The following PSD2 variants were observed in gnomAD, a reference collection of about 807,000 sequenced individuals.
The protein encoded by PSD2 is pleckstrin and Sec7 domain containing 2.
Under a neutral mutation model 69.8 loss-of-function variants are expected in PSD2, and 38 were observed. That is an observed-to-expected ratio of 0.54 (90% CI 0.42 to 0.71). The LOEUF (loss-of-function observed/expected upper bound fraction) is 0.71. PSD2 is among the 30% of genes least tolerant of loss of function. The pLI, the probability that PSD2 is intolerant of heterozygous loss-of-function variation, is 0.00. For synonymous variants in PSD2, 412 were observed against 423.0 expected (o/e 0.97, Z 0.32); for missense variants, 943 against 1,014.5 (o/e 0.93, Z 0.96).
At chr5:139,747,868 G>T in the PSD2 span, among the ~76,000 whole-genome samples, 880 of 152,346 alleles carry the variant, frequency 5.8e-3, 7 homozygotes, top group African/African-American at 0.021. The surrounding 1 kb of genome is among the most constrained non-coding windows in gnomAD (Gnocchi z 6.7). Flanking sequence ...GGCAGAGCGC[G>T]GTGCGCGGGG....
At chr5:139,754,089 G>T in the PSD2 span, among the ~76,000 whole-genome samples, 1 of 152,282 alleles carries the variant, frequency 6.6e-6, no homozygotes, top group South Asian at 2.1e-4. Flanking sequence ...ACCCGTCTTG[G>T]CCTCCCAAAG....
chr5:139,817,384 G>C, intron 4 of PSD2, 97 bp from the exon 5 acceptor site: 1 of 1,018,392 alleles, frequency 9.8e-7, no homozygotes, highest in Non-Finnish European at 1.5e-6. Flanking sequence ...CTAGGGGGTG[G>C]GTGGGTCCGG....
intron 7 of PSD2, among the ~76,000 whole-genome samples, chr5:139,831,462 T>C (rs112391503): frequency 1.1e-4 from 16 of 152,372 alleles, no homozygotes; most frequent in African/African-American, 2.9e-4. Flanking sequence ...TCTGTTTCTT[T>C]TTTTTTCTTC....
At chr5:139,823,191 G>T (rs1294567584) in intron 7 of PSD2, among the ~76,000 whole-genome samples, 1 of 152,220 alleles carries the variant, frequency 6.6e-6, no homozygotes, top group African/African-American at 2.4e-5. Context: ...GGGACGCCCA[G>T]GCTGTGAGGC....
At chr5:139,794,210 C>T (rs74334466), upstream of PSD2, among the ~76,000 whole-genome samples, 11 of 152,346 alleles carry the variant, frequency 7.2e-5, no homozygotes, top group East Asian at 1.7e-3. Flanking sequence ...CAGCTGTGCT[C>T]ACAGATTCAG....
At chr5:139,754,100 T>G in the PSD2 span, among the ~76,000 whole-genome samples, 1 of 151,652 alleles carries the variant, frequency 6.6e-6, no homozygotes. Context: ...CCTCCCAAAG[T>G]GCTGGGATTA....
chr5:139,753,080 C>T, the PSD2 span, among the ~76,000 whole-genome samples: 1 of 152,212 alleles, frequency 6.6e-6, no homozygotes, highest in African/African-American at 2.4e-5. Flanking sequence ...TGACTCAACC[C>T]ACCCATCCCA....
intron 3 of PSD2, 89 bp downstream of exon 3, chr5:139,813,847 TC>T: frequency 8.7e-7 from 1 of 1,154,162 alleles, no homozygotes; most frequent in Non-Finnish European, 1.2e-6. Context: ...TGACTCAGTG[TC>T]CAGAGTCAGC....
chr5:139,747,516 G>T, the PSD2 span, among the ~76,000 whole-genome samples: 19 of 152,358 alleles, frequency 1.2e-4, no homozygotes, highest in African/African-American at 4.3e-4. The surrounding 1 kb of genome is among the most constrained non-coding windows in gnomAD (Gnocchi z 6.7). Flanking sequence ...GGGCCGGAAG[G>T]AATGTGGTGG....
the PSD2 span, among the ~76,000 whole-genome samples, chr5:139,749,564 G>A: frequency 2.6e-5 from 4 of 152,194 alleles, no homozygotes; most frequent in Non-Finnish European, 5.9e-5. Context: ...GGAAACTGAG[G>A]CGTACCAAGA....
At position 139,841,296 on chromosome 5, in the gene PSD2, T is replaced by C. The variant is rs183598575; in HGVS notation, c.2113-975T>C. 6.8e-4 allele frequency among the ~76,000 whole-genome samples: 103 copies of C among 152,318 alleles called. 1 individual carries two copies. The highest frequency in any genetic ancestry group is 6.1e-3 in the Admixed American group (93 of 15,302). ...ACCTTGGAGATGACCTTGAGCAGTATGATATAAATAACTCCCATGAACTTA... is the reference window on the plus strand; with the variant it reads ...ACCTTGGAGATGACCTTGAGCAGTACGATATAAATAACTCCCATGAACTTA... On this transcript the variant is annotated intron_variant, in intron 14 of 14. Coordinates refer to ENST00000274710, the MANE Select transcript of PSD2 (RefSeq NM_032289.4).
chr5:139,824,323 A>G (rs1760353703), intron 7 of PSD2, among the ~76,000 whole-genome samples: 1 of 151,856 alleles, frequency 6.6e-6, no homozygotes, highest in African/African-American at 2.4e-5. Flanking sequence ...AGCACTTCAT[A>G]GATTAGAAGT....
At chr5:139,811,442 C>T (rs1161710070) in intron 2 of PSD2, among the ~76,000 whole-genome samples, 1 of 152,156 alleles carries the variant, frequency 6.6e-6, no homozygotes, top group African/African-American at 2.4e-5. Flanking sequence ...GGGCCAGAGC[C>T]TCAGGGGAGG....
Position 139,844,340 on chromosome 5 carries a change from A to G in PSD2, c.*1866A>G, listed in dbSNP as rs548042233. On this transcript the variant is annotated 3_prime_UTR_variant, in exon 15 of 15. Transcript: ENST00000274710. ...ATGTTTAGTTCACTTCCTTAATTGT[A>G]TAATTATTTATTTGTAAATTATATA... 1.4e-4 allele frequency: 22 copies of G among 152,232 alleles called. No individual in the cohort carries two copies. The highest frequency in any genetic ancestry group is 6.2e-4 in the South Asian group (3 of 4,830). 9.4% of individuals were successfully genotyped at this position (152,232 alleles called of 1,614,324 possible). A position where few individuals can be genotyped will look rare whatever the true frequency, so the allele number is the denominator to read the frequency against.
chr5:139,787,193 G>A, the PSD2 span, among the ~76,000 whole-genome samples: 2 of 152,168 alleles, frequency 1.3e-5, no homozygotes, highest in Non-Finnish European at 2.9e-5. Context: ...TCCTAGAAGC[G>A]CTCTCAAGCT....
rs764603534 is a variant in PSD2, at chr5:139,821,849, G to T, written c.1098-44G>T. On this transcript the variant is annotated intron_variant, in intron 5 of 14. Transcript: ENST00000274710. ...TGTGTGGGGGGTGGTCTTACCCTGG[G>T]TGAGGACTCAGACTGCCCTCAGCAG... 7 of 1,226,452 alleles carry T rather than the reference G, an allele frequency of 5.7e-6. No individual in the cohort carries two copies. In the Admixed American group the frequency reaches 1.1e-4, roughly 19 times the overall value. The allele number at this position is 1,226,452 out of a possible 1,614,324, so 76.0% of individuals were successfully genotyped here.
chr5:139,836,938 G>C lies in PSD2; in HGVS notation c.1531G>C (p.Ala511Pro), dbSNP rs763299011. The C allele has an allele frequency of 1.2e-6, 2 of 1,614,166 alleles. No individual in the cohort carries two copies. Among genetic ancestry groups the C allele is most frequent in the Admixed American group, 1.7e-5 (1 of 60,030 alleles). The change falls in exon 10 of 15, where the codon GCC becomes CCC. Residue 511 changes from alanine (A) to proline (P), a missense_variant. This residue lies in a region of PSD2 where 312 missense variants were observed against 400.7 expected (regional missense o/e 0.78). Coordinates refer to ENST00000274710, the MANE Select transcript of PSD2 (RefSeq NM_032289.4). The stretch of plus-strand genomic sequence containing the variant: ...CCTGGATGTCCCACAGGCGCTCAGT[G>C]CCACCACCTACAAGCACGGCGTCCT... ...PFLDVPQALS[A>P]TTYKHGVLTR...
intron 7 of PSD2, among the ~76,000 whole-genome samples, chr5:139,830,586 CTTTCTT>C (rs746353813): frequency 7.5e-5 from 10 of 134,212 alleles, no homozygotes; most frequent in African/African-American, 2.2e-4. Context: ...TTCTTTCTTT[CTTTCTT>C]TTTCTTTCTT....
the PSD2 span, among the ~76,000 whole-genome samples, chr5:139,771,426 T>C: frequency 6.6e-6 from 1 of 152,108 alleles, no homozygotes; most frequent in Non-Finnish European, 1.5e-5. Context: ...TCGCCCAGGC[T>C]GGAGTGCAGT....
Sources: allele counts gnomAD v4.1 joint callset (sites outside exome capture counted in the v4.1 genomes callset), GRCh38; gene constraint gnomAD v4.1.1; regional missense constraint gnomAD v4.1.1; non-coding constraint Gnocchi (gnomAD v3.1); transcripts MANE v1.5; gene names NCBI Gene and HGNC (gene_info 2026-07-23, HGNC 2026-07-21).